The following CDH18 variants were observed in gnomAD, a reference collection of about 807,000 sequenced individuals.
The protein encoded by CDH18 is cadherin-18.
In CDH18, 31 loss-of-function variants were observed where a neutral mutation model predicts 67.9. That is an observed-to-expected ratio of 0.46 (90% CI 0.34 to 0.62). The LOEUF (loss-of-function observed/expected upper bound fraction) is 0.62. Among genes scored for constraint, CDH18 ranks in the 20% least tolerant of loss-of-function variants. CDH18 has a pLI of 0.01. For synonymous variants in CDH18, 362 were observed against 347.2 expected, an observed-to-expected ratio of 1.04 and a Z score of -0.48; for missense variants, 890 against 975.5, an observed-to-expected ratio of 0.91 and a Z score of 1.17.
At chr5:20,489,806 A>T (rs569114593) in intron 1 of CDH18, among the ~76,000 whole-genome samples, 1 of 152,062 alleles carries the variant, frequency 6.6e-6, no homozygotes, top group Admixed American at 6.6e-5. Flanking sequence ...GAAATATAAA[A>T]TAACCATGGT....
intron 2 of CDH18, among the ~76,000 whole-genome samples, chr5:20,188,842 T>G (rs1200420785): frequency 1.0e-5 from 1 of 99,118 alleles, no homozygotes; most frequent in African/African-American, 4.6e-5. Flanking sequence ...TAACTTATTT[T>G]CTAGGCAAAA....
chr5:20,432,313 G>A (rs1325195468), intron 1 of CDH18, among the ~76,000 whole-genome samples: 1 of 152,058 alleles, frequency 6.6e-6, no homozygotes, highest in African/African-American at 2.4e-5. Flanking sequence ...ATGCCAATTT[G>A]ACATTGAGAC....
intron 1 of CDH18, among the ~76,000 whole-genome samples, chr5:20,361,795 A>C (rs1373678676): frequency 6.6e-6 from 1 of 152,152 alleles, no homozygotes; most frequent in East Asian, 1.9e-4. Context: ...ATTACATTAA[A>C]GTGCATTATG....
chr5:20,502,444 A>T (rs748512635), intron 1 of CDH18, among the ~76,000 whole-genome samples: 4 of 152,190 alleles, frequency 2.6e-5, no homozygotes, highest in Non-Finnish European at 5.9e-5. Context: ...AGGATGATAA[A>T]GATGGAGTCA....
chr5:19,643,918 A>G (rs1391787052), intron 5 of CDH18, among the ~76,000 whole-genome samples: 1 of 152,192 alleles, frequency 6.6e-6, no homozygotes, highest in African/African-American at 2.4e-5. Context: ...CACAATGTAT[A>G]CATACATCAA....
At chr5:20,529,765 G>C (rs1269539514) in intron 1 of CDH18, among the ~76,000 whole-genome samples, 1 of 151,938 alleles carries the variant, frequency 6.6e-6, no homozygotes, top group Non-Finnish European at 1.5e-5. Flanking sequence ...ATATATGACA[G>C]ACCAACAGCA....
chr5:20,407,497 G>GAAAAAAAAAAAAAAA, intron 1 of CDH18, among the ~76,000 whole-genome samples: 1 of 137,822 alleles, frequency 7.3e-6, no homozygotes, highest in Non-Finnish European at 1.5e-5. Flanking sequence ...CACCAATGAG[G>GAAAAAAAAAAAAAAA]AAAAAAAAAA....
chr5:19,669,533 C>T (rs1463030919), intron 5 of CDH18, among the ~76,000 whole-genome samples: 1 of 151,998 alleles, frequency 6.6e-6, no homozygotes, highest in African/African-American at 2.4e-5. Flanking sequence ...TCAGGTGATC[C>T]TCCCGTCTCG....
chr5:19,759,209 C>T (rs1167583204), intron 3 of CDH18, among the ~76,000 whole-genome samples: 1 of 152,240 alleles, frequency 6.6e-6, no homozygotes, highest in East Asian at 1.9e-4. Context: ...ATAATCCACT[C>T]TCATTCTCCA....
At chr5:19,855,267 A>G (rs1466885626) in intron 2 of CDH18, among the ~76,000 whole-genome samples, 1 of 152,024 alleles carries the variant, frequency 6.6e-6, no homozygotes, top group African/African-American at 2.4e-5. Context: ...TCGGGTACCA[A>G]TGATTCACAG....
At chr5:19,859,917 T>A (rs763896090) in intron 2 of CDH18, among the ~76,000 whole-genome samples, 10 of 151,608 alleles carry the variant, frequency 6.6e-5, no homozygotes, top group Non-Finnish European at 1.2e-4. Context: ...GTTTGACTCT[T>A]TGTCACACCA....
At chr5:20,021,564 T>C (rs1738425497) in intron 2 of CDH18, among the ~76,000 whole-genome samples, 2 of 152,130 alleles carry the variant, frequency 1.3e-5, no homozygotes, top group South Asian at 4.1e-4. Flanking sequence ...TTTAAAACTG[T>C]GTGGCACCTT....
intron 2 of CDH18, among the ~76,000 whole-genome samples, chr5:19,959,673 CAGA>C (rs1306309557): frequency 6.6e-6 from 1 of 151,900 alleles, no homozygotes; most frequent in East Asian, 1.9e-4. Context: ...GACAGATTTC[CAGA>C]AGGAGAAGGG....
At chr5:20,281,232 C>T (rs534567222) in intron 1 of CDH18, among the ~76,000 whole-genome samples, 12 of 151,906 alleles carry the variant, frequency 7.9e-5, no homozygotes, top group African/African-American at 2.2e-4. Context: ...TTTGTCAATT[C>T]TGGCTTTTGT....
At chr5:20,214,369 C>T (rs939975162) in intron 2 of CDH18, among the ~76,000 whole-genome samples, 5 of 152,046 alleles carry the variant, frequency 3.3e-5, no homozygotes, top group African/African-American at 1.2e-4. Context: ...CTAAAAATTG[C>T]CCCTAATACC....
intron 7 of CDH18, among the ~76,000 whole-genome samples, chr5:19,587,416 A>G (rs1386639519): frequency 2.0e-5 from 3 of 151,920 alleles, no homozygotes; most frequent in Non-Finnish European, 2.9e-5. Flanking sequence ...GGATTTTTAT[A>G]GTTTTGGGTT....
chr5:19,977,697 T>A (rs1318680863), intron 2 of CDH18, among the ~76,000 whole-genome samples: 19 of 138,714 alleles, frequency 1.4e-4, no homozygotes. Context: ...CATTCTTTTA[T>A]TTTTTTATAC....
chr5:19,913,453 T>C (rs1024795290), intron 2 of CDH18, among the ~76,000 whole-genome samples: 3 of 152,252 alleles, frequency 2.0e-5, no homozygotes, highest in Non-Finnish European at 2.9e-5. Flanking sequence ...TTCCCAAGGT[T>C]GTAAATTTTC....
At chr5:20,024,547 A>T (rs1035715006) in intron 2 of CDH18, among the ~76,000 whole-genome samples, 1 of 152,152 alleles carries the variant, frequency 6.6e-6, no homozygotes, top group Admixed American at 6.5e-5. Context: ...AGAAATGAAG[A>T]CCAGAATTTA....
Sources: allele counts gnomAD v4.1 joint callset (sites outside exome capture counted in the v4.1 genomes callset), GRCh38; gene constraint gnomAD v4.1.1; transcripts MANE v1.5; gene names NCBI Gene and HGNC (gene_info 2026-07-23, HGNC 2026-07-21).